The following ZHX2 variants were observed in gnomAD, a reference collection of about 807,000 sequenced individuals.
ZHX2 encodes zinc fingers and homeoboxes 2, also known as zinc fingers and homeoboxes protein 2.
ZHX2 carries 6 observed loss-of-function variants against 21.9 expected under a neutral mutation model. That is an observed-to-expected ratio of 0.27 (90% confidence interval 0.15 to 0.54). ZHX2 has a LOEUF of 0.54. ZHX2 is among the 20% of genes least tolerant of loss of function. ZHX2 has a pLI of 0.95. For synonymous variants in ZHX2, 434 were observed against 437.1 expected (o/e 0.99, Z 0.09); for missense variants, 908 against 1,090.7 (o/e 0.83, Z 2.36).
chr8:122,971,006 C>T (rs1441221558), intron 3 of ZHX2, among the ~76,000 whole-genome samples: 1 of 152,200 alleles, frequency 6.6e-6, no homozygotes, highest in Non-Finnish European at 1.5e-5. Flanking sequence ...GTTGGACTGG[C>T]CAAGGTGGAG....
chr8:122,894,899 T>C (rs1183645504), intron 2 of ZHX2, among the ~76,000 whole-genome samples: 2 of 151,952 alleles, frequency 1.3e-5, no homozygotes, highest in African/African-American at 4.8e-5. Context: ...GACATCTCTG[T>C]CCCCCTCAGT....
At chr8:122,824,981 A>G (rs1341124417) in intron 1 of ZHX2, among the ~76,000 whole-genome samples, 2 of 152,154 alleles carry the variant, frequency 1.3e-5, no homozygotes, top group Non-Finnish European at 2.9e-5. Context: ...TCATTCCAAC[A>G]TTGACTCTCC....
At chr8:122,866,888 G>A (rs540427325) in intron 2 of ZHX2, among the ~76,000 whole-genome samples, 22 of 152,164 alleles carry the variant, frequency 1.4e-4, no homozygotes, top group African/African-American at 4.8e-4. Flanking sequence ...GCGGTGGCAC[G>A]ATCGCAGCTC....
intron 3 of ZHX2, among the ~76,000 whole-genome samples, chr8:122,959,783 C>T (rs1417146471): frequency 6.6e-6 from 1 of 152,144 alleles, no homozygotes; most frequent in Non-Finnish European, 1.5e-5. Context: ...AGGGACTGCC[C>T]GTTAGTCTGA....
intron 1 of ZHX2, among the ~76,000 whole-genome samples, chr8:122,839,791 C>A (rs1818586322): frequency 6.6e-6 from 1 of 152,150 alleles, no homozygotes; most frequent in African/African-American, 2.4e-5. Flanking sequence ...TGTTCAGAAA[C>A]TCCAGCAGTT....
chr8:122,857,090 G>C (rs1307486526), intron 1 of ZHX2, among the ~76,000 whole-genome samples: 1 of 152,092 alleles, frequency 6.6e-6, no homozygotes, highest in Non-Finnish European at 1.5e-5. Context: ...CTCCCTGCCT[G>C]GTGTGCGCTG....
At chr8:122,834,700 C>T (rs1186599917) in intron 1 of ZHX2, among the ~76,000 whole-genome samples, 3 of 152,122 alleles carry the variant, frequency 2.0e-5, no homozygotes, top group African/African-American at 4.8e-5. Context: ...GGGAGATGAA[C>T]CGAAGGTTTA....
intron 1 of ZHX2, among the ~76,000 whole-genome samples, chr8:122,845,076 G>T (rs1818724825): frequency 6.6e-6 from 1 of 152,040 alleles, no homozygotes. Flanking sequence ...AAAGAACATG[G>T]GCTACAAACA....
intron 2 of ZHX2, among the ~76,000 whole-genome samples, chr8:122,927,550 C>T (rs886462348): frequency 6.6e-6 from 1 of 152,124 alleles, no homozygotes; most frequent in Non-Finnish European, 1.5e-5. Context: ...TTAGTTGACT[C>T]ACAGTTCCAC....
intron 2 of ZHX2, among the ~76,000 whole-genome samples, chr8:122,907,845 C>T (rs573071705): frequency 6.6e-6 from 1 of 152,306 alleles, no homozygotes; most frequent in African/African-American, 2.4e-5. Context: ...CTTTAGGCCA[C>T]TCCCAGCCCA....
intron 2 of ZHX2, among the ~76,000 whole-genome samples, chr8:122,887,050 C>CGTGTGTGTGTGTGTGTGT (rs10549696): frequency 3.7e-5 from 5 of 136,372 alleles, no homozygotes; most frequent in African/African-American, 1.1e-4. Flanking sequence ...GCTCTGCCAC[C>CGTGTGTGTGTGTGTGTGT]GTGTGTGTGT....
At position 122,952,772 on chromosome 8, in the gene ZHX2, C is replaced by T. The variant is rs761784552; in HGVS notation, c.1262C>T (p.Pro421Leu). 1 of 1,614,132 alleles carries T rather than the reference C, an allele frequency of 6.2e-7. No individual in the cohort carries two copies. Among genetic ancestry groups the T allele is most frequent in the South Asian group, 1.1e-5 (1 of 91,080 alleles). The change falls in exon 3 of 4, where the codon CCA (proline) becomes CTA (leucine). Residue 421 changes from proline to leucine, a missense_variant. Physicochemically the swap from Pro to Leu is moderately conservative, Grantham distance 98. Transcript: ENST00000314393. This position sits in a 1 kb window ranked among gnomAD's most constrained non-coding sequence, Gnocchi z 6.9. ...CAAGCTGCCCCCGAACCCAAGCGTC[C>T]ACACATCGCTCAGGTGCCAGAGCCC... ...TPQAAPEPKR[P>L]HIAQVPEPPP...
chr8:122,923,588 A>G (rs117397101), intron 2 of ZHX2, among the ~76,000 whole-genome samples: 1,761 of 152,300 alleles, frequency 0.012, 12 homozygotes, highest in Admixed American at 0.016. Flanking sequence ...AAAGTGTCAC[A>G]CAATTTGCAA....
At chr8:122,839,776 C>T (rs920521476) in intron 1 of ZHX2, among the ~76,000 whole-genome samples, 7 of 152,084 alleles carry the variant, frequency 4.6e-5, no homozygotes, top group African/African-American at 1.7e-4. Flanking sequence ...ATGGTTACCT[C>T]GTTTTGTTCA....
chr8:122,950,428 T>C (rs1233328960), intron 2 of ZHX2, among the ~76,000 whole-genome samples: 1 of 151,724 alleles, frequency 6.6e-6, no homozygotes, highest in Non-Finnish European at 1.5e-5. Flanking sequence ...TGTTGGGGGA[T>C]GGGGGACAAG....
chr8:122,911,496 G>A (rs1476913176), intron 2 of ZHX2, among the ~76,000 whole-genome samples: 1 of 152,200 alleles, frequency 6.6e-6, no homozygotes, highest in Non-Finnish European at 1.5e-5. Flanking sequence ...GAGAGGCACA[G>A]AGACCCTGGT....
intron 1 of ZHX2, among the ~76,000 whole-genome samples, chr8:122,855,520 C>T (rs377542576): frequency 8.6e-5 from 13 of 152,034 alleles, no homozygotes; most frequent in East Asian, 1.9e-4. Flanking sequence ...CTTAACTGCG[C>T]GCCAGTTTGG....
At chr8:122,920,374 C>A (rs78035619) in intron 2 of ZHX2, among the ~76,000 whole-genome samples, 1,857 of 151,502 alleles carry the variant, frequency 0.012, 37 homozygotes, top group African/African-American at 0.043. Context: ...CCTTTGGTAC[C>A]AACTGCCTTT....
At chr8:122,961,908 A>G (rs1326049661) in intron 3 of ZHX2, among the ~76,000 whole-genome samples, 1 of 152,144 alleles carries the variant, frequency 6.6e-6, no homozygotes, top group African/African-American at 2.4e-5. Flanking sequence ...ACTGCTCTCT[A>G]TATGGAGAAG....
Sources: allele counts gnomAD v4.1 joint callset (sites outside exome capture counted in the v4.1 genomes callset), GRCh38; gene constraint gnomAD v4.1.1; non-coding constraint Gnocchi (gnomAD v3.1); transcripts MANE v1.5; gene names NCBI Gene and HGNC (gene_info 2026-07-23, HGNC 2026-07-21).